The following HES5 variants were observed in gnomAD, a reference collection of about 807,000 sequenced individuals.
HES5 encodes transcription factor HES-5.
In HES5, 12 loss-of-function variants were observed where a neutral mutation model predicts 9.6. The observed-to-expected ratio is 1.25, with a 90% CI of 0.80 to 2.03. HES5 has a LOEUF of 2.03. HES5 is among the 30% of genes most tolerant of loss of function. The pLI is 0.00. For missense variants in HES5, 255 were observed against 218.6 expected (o/e 1.17, Z -1.05); for synonymous variants, 131 against 102.4 (o/e 1.28, Z -1.69).
intron 1 of HES5, 46 bp downstream of exon 1, chr1:2,530,065 G>A: frequency 1.9e-6 from 3 of 1,600,762 alleles, no homozygotes; most frequent in Non-Finnish European, 2.6e-6. Context: ...GACCCCCGAG[G>A]ACCGGAGGCC....
Position 2,529,538 on chromosome 1 carries a change from G to A in HES5, c.432C>T (p.Leu144=), listed in dbSNP as rs1341404676. Residue 144 remains leucine (L), a synonymous_variant, in exon 3 of 3, where the codon CTC becomes CTT. Coordinates refer to ENST00000378453, the MANE Select transcript of HES5 (RefSeq NM_001010926.4). This position sits in a 1 kb window ranked among gnomAD's most constrained non-coding sequence, Gnocchi z 4.5. The stretch of plus-strand genomic sequence containing the variant: ...CGGCGGCGGCGGTGGCCTTGGCGGA[G>A]AGCGCGGGCGGGGGCGCGGCGCCCG... ...KAPGAAPPPA[L]SAKATAAAAA... The A allele has an allele frequency of 5.6e-6, 6 of 1,064,674 alleles. No homozygotes were observed. Among genetic ancestry groups the A allele is most frequent in the Non-Finnish European group, 5.7e-6 (5 of 881,394 alleles). 66.0% of individuals were successfully genotyped at this position (1,064,674 alleles called of 1,614,324 possible). A position where few individuals can be genotyped will look rare whatever the true frequency, so the allele number is the denominator to read the frequency against.
chr1:2,529,550 G>A lies in HES5; in HGVS notation c.420C>T (p.Pro140=), dbSNP rs1430618936. ...AKEPKAPGAA[P]PPALSAKATA... is the part of the protein sequence containing the mutation. ...TGGCCTTGGCGGAGAGCGCGGGCGG[G>A]GGCGCGGCGCCCGGCGCCTTGGGCT... The change falls in exon 3 of 3, where the codon CCC becomes CCT. Residue 140 remains proline (P), a synonymous_variant. Coordinates refer to ENST00000378453, the MANE Select transcript of HES5 (RefSeq NM_001010926.4). The surrounding 1 kb of genome is among the most constrained non-coding windows in gnomAD (Gnocchi z 4.5). 4 of 1,074,142 alleles carry A rather than the reference G, an allele frequency of 3.7e-6. No homozygotes were observed. In the South Asian group the frequency reaches 1.3e-4, roughly 35 times the overall value. 66.5% of individuals were successfully genotyped at this position (1,074,142 alleles called of 1,614,324 possible). A position where few individuals can be genotyped will look rare whatever the true frequency, so the allele number is the denominator to read the frequency against.
chr1:2,530,010 A>C lies in HES5; in HGVS notation c.56T>G (p.Leu19Arg), dbSNP rs1643985851. 3.7e-6 allele frequency: 6 copies of C among 1,603,562 alleles called. No individual in the cohort carries two copies. The highest frequency in any genetic ancestry group is 1.3e-5 in the African/African-American group (1 of 74,678). Residue 19 changes from leucine to arginine, a missense_variant and splice_region_variant, in exon 2 of 3, where the codon CTG (leucine) becomes CGG (arginine). Physicochemically the swap from Leu to Arg is moderately radical, Grantham distance 102. Coordinates refer to ENST00000378453, the MANE Select transcript of HES5 (RefSeq NM_001010926.4). ...CATCTTCTCCACCACCGGCTTCCGC[A>C]GCTGCGGGAGGAGGGGGTGTCAGGC... ...ELLSPKEKNR[L>R]RKPVVEKMRR...
chr1:2,529,630 T>TC lies in HES5; in HGVS notation c.339dup (p.Lys114GlufsTer76). Reference sequence around the variant, plus strand: ...GGCCGCTGGAAGTGGTACAGCAGCTTCATCTGCGTGTCGCTGGCGGCGTGG... The same window carrying TC: ...GGCCGCTGGAAGTGGTACAGCAGCTTCCATCTGCGTGTCGCTGGCGGCGTGG... On this transcript the variant is annotated frameshift_variant, in exon 3 of 3. Coordinates refer to ENST00000378453, the MANE Select transcript of HES5 (RefSeq NM_001010926.4). LOFTEE classifies it low-confidence loss of function (END_TRUNC). This position sits in a 1 kb window ranked among gnomAD's most constrained non-coding sequence, Gnocchi z 4.5. 5 of 1,304,882 alleles carry TC rather than the reference T, an allele frequency of 3.8e-6. No individual in the cohort carries two copies. The highest frequency in any genetic ancestry group is 5.0e-6 in the Non-Finnish European group (5 of 1,007,186). The allele number at this position is 1,304,882 out of a possible 1,614,324, so 80.8% of individuals were successfully genotyped here.
Position 2,529,521 on chromosome 1 carries a change from G to T in HES5, c.449C>A (p.Ala150Asp), listed in dbSNP as rs904751282. 34 of 1,066,084 alleles carry T rather than the reference G, an allele frequency of 3.2e-5. No homozygotes were observed. The African/African-American group carries it at 5.4e-4, about 17-fold the overall frequency. 66.0% of individuals were successfully genotyped at this position (1,066,084 alleles called of 1,614,324 possible). A position where few individuals can be genotyped will look rare whatever the true frequency, so the allele number is the denominator to read the frequency against. Residue 150 changes from alanine (A) to aspartate (D), a missense_variant, in exon 3 of 3, where the codon GCC (alanine) becomes GAC (aspartate). Coordinates refer to ENST00000378453, the MANE Select transcript of HES5 (RefSeq NM_001010926.4). This position sits in a 1 kb window ranked among gnomAD's most constrained non-coding sequence, Gnocchi z 4.5. ...GGGCTGGTGCGCGGCGGCGGCGGCG[G>T]CGGTGGCCTTGGCGGAGAGCGCGGG... ...PPPALSAKAT[A>D]AAAAAHQPAC...
Position 2,529,508 on chromosome 1 carries a change from G to A in HES5, c.462C>T (p.Ala154=). 2.0e-6 allele frequency: 2 copies of A among 1,000,498 alleles called. No individual in the cohort carries two copies. The highest frequency in any genetic ancestry group is 2.4e-6 in the Non-Finnish European group (2 of 831,406). 62.0% of individuals were successfully genotyped at this position (1,000,498 alleles called of 1,614,324 possible). A position where few individuals can be genotyped will look rare whatever the true frequency, so the allele number is the denominator to read the frequency against. ...LSAKATAAAA[A]AHQPACGLWR... ...AGAGGCCGCAGGCGGGCTGGTGCGC[G>A]GCGGCGGCGGCGGCGGTGGCCTTGG... is the stretch of plus-strand genomic sequence containing the variant. Residue 154 remains alanine, a synonymous_variant, in exon 3 of 3, where the codon GCC becomes GCT. Coordinates refer to ENST00000378453, the MANE Select transcript of HES5 (RefSeq NM_001010926.4). This position sits in a 1 kb window ranked among gnomAD's most constrained non-coding sequence, Gnocchi z 4.5.
At position 2,529,314 on chromosome 1, in the gene HES5, G is replaced by T; in HGVS notation, c.*155C>A. On this transcript the variant is annotated 3_prime_UTR_variant, in exon 3 of 3. Transcript: ENST00000378453. The surrounding 1 kb of genome is among the most constrained non-coding windows in gnomAD (Gnocchi z 4.5). The stretch of plus-strand genomic sequence containing the variant: ...CTGCACACACATTCTCTGAGAATGG[G>T]GCTCCTGCGGGCCGGCCAGCTTGGG... The T allele has an allele frequency of 1.5e-6, 1 of 655,070 alleles. No individual in the cohort carries two copies. Among genetic ancestry groups the T allele is most frequent in the Non-Finnish European group, 1.9e-6 (1 of 525,354 alleles). 40.6% of individuals were successfully genotyped at this position (655,070 alleles called of 1,614,324 possible). A position where few individuals can be genotyped will look rare whatever the true frequency, so the allele number is the denominator to read the frequency against.
chr1:2,529,498 G>A lies in HES5; in HGVS notation c.472C>T (p.Pro158Ser). 5 of 1,059,452 alleles carry A rather than the reference G, an allele frequency of 4.7e-6. No individual in the cohort carries two copies. The highest frequency in any genetic ancestry group is 5.7e-6 in the Non-Finnish European group (5 of 878,748). The allele number at this position is 1,059,452 out of a possible 1,614,324, so 65.6% of individuals were successfully genotyped here. ...ATAAAAAAHQ[P>S]ACGLWRPW ...CAGGGCCGCCAGAGGCCGCAGGCGG[G>A]CTGGTGCGCGGCGGCGGCGGCGGCG... is the stretch of plus-strand genomic sequence containing the variant. Residue 158 changes from proline (P) to serine (S), a missense_variant, in exon 3 of 3, where the codon CCC becomes TCC. Transcript: ENST00000378453. This position sits in a 1 kb window ranked among gnomAD's most constrained non-coding sequence, Gnocchi z 4.5.
rs765901251 is a variant in HES5 at position 2,529,921 on chromosome 1, G to T, written c.145C>A (p.Arg49=). Residue 49 remains arginine (R), a synonymous_variant, in exon 2 of 3, where the codon CGG becomes AGG. Coordinates refer to ENST00000378453, the MANE Select transcript of HES5 (RefSeq NM_001010926.4). The surrounding 1 kb of genome is among the most constrained non-coding windows in gnomAD (Gnocchi z 4.5). ...TCCAGCTTGGAGTTGGGCTGGTGCC[G>T]CGCGAACTCCTGCTCCAGCAGCAGC... ...LKLLLEQEFA[R]HQPNSKLEKA... The T allele has an allele frequency of 1.2e-6, 2 of 1,607,044 alleles. No homozygotes were observed. The highest frequency in any genetic ancestry group is 3.4e-5 in the Admixed American group (2 of 59,476).
At position 2,529,234 on chromosome 1, in the gene HES5, G is replaced by C; in HGVS notation, c.*235C>G. 1 of 203,292 alleles carries C rather than the reference G, an allele frequency of 4.9e-6. No individual in the cohort carries two copies. The highest frequency in any genetic ancestry group is 8.9e-6 in the Non-Finnish European group (1 of 112,778). 12.6% of individuals were successfully genotyped at this position (203,292 alleles called of 1,614,324 possible). The stretch of plus-strand genomic sequence containing the variant: ...AAATGCAAACACAGAACAACCCCAT[G>C]GGGTCAGACACTTGGCAGAAGATGG... On this transcript the variant is annotated 3_prime_UTR_variant, in exon 3 of 3. Coordinates refer to ENST00000378453, the MANE Select transcript of HES5 (RefSeq NM_001010926.4). This position sits in a 1 kb window ranked among gnomAD's most constrained non-coding sequence, Gnocchi z 4.5.
Position 2,529,702 on chromosome 1 carries a change from C to T in HES5, c.268G>A (p.Glu90Lys), listed in dbSNP as rs756674081. ...GPKSLHQDYS[E>K]GYSWCLQEAV... ...TCCTGCAGGCACCACGAGTAGCCTT[C>T]GCTGTAGTCCTGGTGCAGGCTCTTG... Residue 90 changes from glutamate to lysine, a missense_variant, in exon 3 of 3, where the codon GAA becomes AAA. Coordinates refer to ENST00000378453, the MANE Select transcript of HES5 (RefSeq NM_001010926.4). The surrounding 1 kb of genome is among the most constrained non-coding windows in gnomAD (Gnocchi z 4.5). The T allele has an allele frequency of 3.9e-6, 5 of 1,292,380 alleles. No individual in the cohort carries two copies. The highest frequency in any genetic ancestry group is 4.6e-5 in the South Asian group (2 of 43,174). 80.1% of individuals were successfully genotyped at this position (1,292,380 alleles called of 1,614,324 possible).
At chr1:2,530,038 G>A in intron 1 of HES5, 27 bp from the exon 2 acceptor site, 3 of 1,602,782 alleles carry the variant, frequency 1.9e-6, no homozygotes, top group Non-Finnish European at 2.6e-6. Context: ...TGTCAGGCTG[G>A]CCCGGCACGG....
In HES5 at chr1:2,528,788, A is replaced by T. The variant is rs1281219932; in HGVS notation, c.*681T>A. The stretch of plus-strand genomic sequence containing the variant: ...GATTTTATTATGGCGGCTTCGGAGC[A>T]GTCCCGTGGCTTCCACGTGACTGAG... On this transcript the variant is annotated 3_prime_UTR_variant, in exon 3 of 3. Coordinates refer to ENST00000378453, the MANE Select transcript of HES5 (RefSeq NM_001010926.4). 6.6e-6 allele frequency: 1 copy of T among 152,484 alleles called. No homozygotes were observed. Among genetic ancestry groups the T allele is most frequent in the African/African-American group, 2.4e-5 (1 of 41,454 alleles). The allele number at this position is 152,484 out of a possible 1,614,324, so 9.4% of individuals were successfully genotyped here.
Position 2,529,828 on chromosome 1 carries a change from G to A in HES5, c.220+18C>T. 7.1e-7 allele frequency: 1 copy of A among 1,407,560 alleles called. No individual in the cohort carries two copies. The highest frequency in any genetic ancestry group is 9.4e-7 in the Non-Finnish European group (1 of 1,064,960). The allele number at this position is 1,407,560 out of a possible 1,614,324, so 87.2% of individuals were successfully genotyped here. A position where few individuals can be genotyped will look rare whatever the true frequency, so the allele number is the denominator to read the frequency against. On this transcript the variant is annotated intron_variant, in intron 2 of 2. Coordinates refer to ENST00000378453, the MANE Select transcript of HES5 (RefSeq NM_001010926.4). This position sits in a 1 kb window ranked among gnomAD's most constrained non-coding sequence, Gnocchi z 4.5. Reference sequence around the variant, plus strand: ...GCGCGGTGGGAACTCGGGGCGCGGGGGGCCCGGGCGCGCTCACCTTTGCTG... The same window carrying A: ...GCGCGGTGGGAACTCGGGGCGCGGGAGGCCCGGGCGCGCTCACCTTTGCTG...
Position 2,530,103 on chromosome 1 carries a change from G to C in HES5, c.54+8C>G. 1 of 1,581,998 alleles carries C rather than the reference G, an allele frequency of 6.3e-7. No individual in the cohort carries two copies. The highest frequency in any genetic ancestry group is 8.6e-7 in the Non-Finnish European group (1 of 1,164,822). ...GGGGACAGCGCGCCGGGCGAGTCTG[G>C]TACTTACTCGGTTTTTCTCTTTGGG... On this transcript the variant is annotated splice_region_variant and intron_variant, in intron 1 of 2. Transcript: ENST00000378453.
In HES5 at chr1:2,529,024, C is replaced by T. The variant is rs1447980687; in HGVS notation, c.*445G>A. 1.3e-5 allele frequency: 2 copies of T among 152,546 alleles called. No individual in the cohort carries two copies. Among genetic ancestry groups the T allele is most frequent in the Non-Finnish European group, 2.9e-5 (2 of 68,046 alleles). 9.4% of individuals were successfully genotyped at this position (152,546 alleles called of 1,614,324 possible). On this transcript the variant is annotated 3_prime_UTR_variant, in exon 3 of 3. Coordinates refer to ENST00000378453, the MANE Select transcript of HES5 (RefSeq NM_001010926.4). The surrounding 1 kb of genome is among the most constrained non-coding windows in gnomAD (Gnocchi z 4.5). ...ATCACTGTTTCCTATGAGGATACAG[C>T]TCGAGTTCGGCCTTCACAAAAGGCA...
chr1:2,530,115 T>C lies in HES5; in HGVS notation c.50A>G (p.Asn17Ser). 6.4e-7 allele frequency: 1 copy of C among 1,569,456 alleles called. No individual in the cohort carries two copies. Among genetic ancestry groups the C allele is most frequent in the South Asian group, 1.2e-5 (1 of 86,014 alleles). The change falls in exon 1 of 3, where the codon AAC becomes AGC. Residue 17 changes from asparagine (N) to serine (S), a missense_variant. Physicochemically the swap from Asn to Ser is conservative, Grantham distance 46 (BLOSUM62 1). Coordinates refer to ENST00000378453, the MANE Select transcript of HES5 (RefSeq NM_001010926.4). ...AVELLSPKEK[N>S]RLRKPVVEKM... is the part of the protein sequence containing the mutation. ...CCGGGCGAGTCTGGTACTTACTCGG[T>C]TTTTCTCTTTGGGGCTGAGCAGCTC...
rs890226010 is a variant in HES5 at position 2,529,107 on chromosome 1, A to T, written c.*362T>A. On this transcript the variant is annotated 3_prime_UTR_variant, in exon 3 of 3. Transcript: ENST00000378453. This position sits in a 1 kb window ranked among gnomAD's most constrained non-coding sequence, Gnocchi z 4.5. The stretch of plus-strand genomic sequence containing the variant: ...GTACGCCCAGCAGCTACGGGCCCTG[A>T]AGAAAGTCCTCTACAGGCTGGGGGC... The T allele has an allele frequency of 2.0e-5, 3 of 152,662 alleles. No homozygotes were observed. The highest frequency in any genetic ancestry group is 7.2e-5 in the African/African-American group (3 of 41,470). 9.5% of individuals were successfully genotyped at this position (152,662 alleles called of 1,614,324 possible). A position where few individuals can be genotyped will look rare whatever the true frequency, so the allele number is the denominator to read the frequency against.
chr1:2,530,134 G>A lies in HES5; in HGVS notation c.31C>T (p.Leu11Phe). The change falls in exon 1 of 3, where the codon CTC becomes TTC. Residue 11 changes from leucine to phenylalanine, a missense_variant. By Grantham distance (22) the Leu-to-Phe change is conservative. Transcript: ENST00000378453. The part of the protein sequence containing the change: MAPSTVAVEL[L>F]SPKEKNRLRK... ...ACTCGGTTTTTCTCTTTGGGGCTGA[G>A]CAGCTCCACGGCCACAGTGCTGGGG... 6.4e-7 allele frequency: 1 copy of A among 1,551,484 alleles called. No individual in the cohort carries two copies. The highest frequency in any genetic ancestry group is 1.2e-5 in the South Asian group (1 of 83,884).
Sources: allele counts gnomAD v4.1 joint callset, GRCh38; gene constraint gnomAD v4.1.1; non-coding constraint Gnocchi (gnomAD v3.1); transcripts MANE v1.5; gene names NCBI Gene and HGNC (gene_info 2026-07-23, HGNC 2026-07-21).